DNAH8: variants seen among roughly 807,000 people sequenced by gnomAD.
The protein encoded by DNAH8 is dynein axonemal heavy chain 8, also known as axonemal beta dynein heavy chain 8.
A neutral mutation model predicts 562.1 loss-of-function variants in DNAH8; 382 were observed. That is an observed-to-expected ratio of 0.68 (90% CI 0.63 to 0.74). The LOEUF is 0.74. Ranked by LOEUF, DNAH8 falls within the 30% of genes least tolerant of loss-of-function variation. The probability of loss-of-function intolerance (pLI) is 0.00; values close to 1 mark genes in which losing one functional copy is unlikely to be tolerated. For synonymous variants in DNAH8, 1,881 were observed against 1,919.4 expected (o/e 0.98, Z 0.52); for missense variants, 5,203 against 5,620.4 (o/e 0.93, Z 2.37).
intron 9 of DNAH8, among the ~76,000 whole-genome samples, chr6:38,751,253 G>T (rs1417705122): frequency 6.6e-6 from 1 of 152,194 alleles, no homozygotes; most frequent in Non-Finnish European, 1.5e-5. Context: ...CTGGCAACTT[G>T]CTTCCCTTGG....
chr6:38,872,813 T>C lies in DNAH8; in HGVS notation c.7237+31T>C, dbSNP rs533950216. ...CACAAACCTCCTTTGTGATCATTTT[T>C]TCCCTGCTAGCGTATTAACACAGTA... On this transcript the variant is annotated intron_variant, in intron 50 of 92. Coordinates refer to ENST00000327475, the MANE Select transcript of DNAH8 (RefSeq NM_001206927.2). 272 of 1,612,640 alleles carry C rather than the reference T, an allele frequency of 1.7e-4. 3 individuals are homozygous for C. In the South Asian group the frequency reaches 2.3e-3, roughly 14 times the overall value.
intron 82 of DNAH8, among the ~76,000 whole-genome samples, chr6:38,969,515 C>T (rs561031268): frequency 1.8e-4 from 28 of 152,012 alleles, no homozygotes; most frequent in African/African-American, 5.1e-4. Context: ...AGAGGTGTGC[C>T]GTTTTAGATA....
intron 8 of DNAH8, among the ~76,000 whole-genome samples, chr6:38,745,763 T>C (rs989479031): frequency 1.3e-5 from 2 of 152,202 alleles, no homozygotes; most frequent in African/African-American, 4.8e-5. Context: ...CTTGATACTT[T>C]TGAATAGTAA....
At chr6:38,865,136 T>C (rs1776940990) in intron 45 of DNAH8, among the ~76,000 whole-genome samples, 1 of 152,178 alleles carries the variant, frequency 6.6e-6, no homozygotes, top group Non-Finnish European at 1.5e-5. Context: ...TTTTAAAGCT[T>C]TTATGTGTTT....
chr6:38,825,506 A>G (rs1342789662), intron 28 of DNAH8, among the ~76,000 whole-genome samples: 1 of 152,184 alleles, frequency 6.6e-6, no homozygotes, highest in Non-Finnish European at 1.5e-5. Flanking sequence ...CAGGGACAGT[A>G]TAGGAAGCTG....
At chr6:38,821,407 G>T (rs1738213) in intron 26 of DNAH8, among the ~76,000 whole-genome samples, 27,211 of 152,080 alleles carry the variant, frequency 0.18, 2,755 homozygotes, top group East Asian at 0.28. Context: ...TTGATCTACA[G>T]ATTTTATACA....
intron 24 of DNAH8, among the ~76,000 whole-genome samples, chr6:38,811,312 G>A (rs1041786165): frequency 3.9e-5 from 6 of 152,200 alleles, no homozygotes; most frequent in Admixed American, 2.0e-4. Flanking sequence ...TCCAGATGAG[G>A]TGCCAGGACA....
intron 52 of DNAH8, 106 bp downstream of exon 52, chr6:38,873,482 C>T (rs1338081489): frequency 2.1e-6 from 2 of 969,458 alleles, no homozygotes; most frequent in Admixed American, 3.1e-5. Flanking sequence ...CCATAAAAAT[C>T]ATTTGATGAT....
At chr6:38,936,257 T>C (rs918610809) in intron 77 of DNAH8, 1 of 152,190 alleles carries the variant, frequency 6.6e-6, no homozygotes, top group African/African-American at 2.4e-5. Context: ...ATGTAATCCA[T>C]GTCAGAAGAG....
At chr6:38,990,203 G>A (rs1050018551) in intron 88 of DNAH8, 31 bp downstream of exon 88, 3 of 1,497,658 alleles carry the variant, frequency 2.0e-6, no homozygotes, top group African/African-American at 1.4e-5. Flanking sequence ...AATTTGAAGG[G>A]GTCATTTGTA....
At position 38,785,367 on chromosome 6, in the gene DNAH8, G is replaced by A. The variant is rs72849928; in HGVS notation, c.2396-1398G>A. Among the ~76,000 whole-genome samples, 1,300 of 152,188 alleles carry A rather than the reference G, an allele frequency of 8.5e-3. 17 individuals carry two copies. Among genetic ancestry groups the A allele is most frequent in the Non-Finnish European group, 0.013 (910 of 68,012 alleles). ...ACGATGAAATGCTTGTCTTGTCCTG[G>A]AGCAGACTTCCTGACTGTCATTATT... On this transcript the variant is annotated intron_variant, in intron 17 of 92. Coordinates refer to ENST00000327475, the MANE Select transcript of DNAH8 (RefSeq NM_001206927.2).
intron 82 of DNAH8, among the ~76,000 whole-genome samples, chr6:38,960,898 G>A (rs575802941): frequency 6.6e-6 from 1 of 151,846 alleles, no homozygotes; most frequent in Non-Finnish European, 1.5e-5. Context: ...GTTTACTGCA[G>A]CACTATTCAT....
Position 38,792,609 on chromosome 6 carries a change from A to G in DNAH8, c.2901+935A>G, listed in dbSNP as rs543162533. On this transcript the variant is annotated intron_variant, in intron 21 of 92. Coordinates refer to ENST00000327475, the MANE Select transcript of DNAH8 (RefSeq NM_001206927.2). ...CTTGGCAGTGGCACATAGTCCTTGC[A>G]GGATAAAATGTAACCTCTTCAGCAT... Among the ~76,000 whole-genome samples, 6 of 152,328 alleles carry G rather than the reference A, an allele frequency of 3.9e-5. No homozygotes were observed. The South Asian group carries it at 1.2e-3, about 32-fold the overall frequency.
chr6:38,870,733 T>C lies in DNAH8; in HGVS notation c.6990+171T>C, dbSNP rs557247711. Among the ~76,000 whole-genome samples, 6 of 152,312 alleles carry C rather than the reference T, an allele frequency of 3.9e-5. No individual in the cohort carries two copies. In the South Asian group the frequency reaches 1.2e-3, roughly 32 times the overall value. On this transcript the variant is annotated intron_variant, in intron 49 of 92. Coordinates refer to ENST00000327475, the MANE Select transcript of DNAH8 (RefSeq NM_001206927.2). ...GAAGGATGTGGTGGTCCTAGGAAGATAGTATGGATTTACCCTGCCTCACAG... is the reference window on the plus strand; with the variant it reads ...GAAGGATGTGGTGGTCCTAGGAAGACAGTATGGATTTACCCTGCCTCACAG...
rs1763915003 is a variant in DNAH8 at position 38,734,372 on chromosome 6, A to G, written c.611-102A>G. On this transcript the variant is annotated intron_variant, in intron 4 of 92. Transcript: ENST00000327475. ...TCTATGACCGTATTGAAAACTTCTT[A>G]CAATAAAGTAAAACAGGAAACAATA... is the stretch of plus-strand genomic sequence containing the variant. 3.9e-6 allele frequency: 5 copies of G among 1,277,568 alleles called. No homozygotes were observed. In the South Asian group the frequency reaches 4.5e-5, roughly 12 times the overall value. 79.1% of individuals were successfully genotyped at this position (1,277,568 alleles called of 1,614,324 possible).
At chr6:38,745,604 A>G (rs888188148) in intron 8 of DNAH8, among the ~76,000 whole-genome samples, 5 of 152,220 alleles carry the variant, frequency 3.3e-5, no homozygotes, top group African/African-American at 1.2e-4. Flanking sequence ...TAATGATGCT[A>G]CACACAATTT....
chr6:38,808,848 C>A (rs1292317658), intron 24 of DNAH8, among the ~76,000 whole-genome samples: 2 of 152,100 alleles, frequency 1.3e-5, no homozygotes, highest in African/African-American at 4.8e-5. Flanking sequence ...GAGCAGAAAA[C>A]CAAACACCGC....
intron 3 of DNAH8, 77 bp from the exon 4 acceptor site, chr6:38,729,825 C>T: frequency 1.3e-6 from 1 of 760,644 alleles, no homozygotes; most frequent in East Asian, 2.7e-5. Context: ...ACTCTTTGAG[C>T]TTCATCTTCT....
intron 88 of DNAH8, among the ~76,000 whole-genome samples, chr6:39,008,541 C>A (rs1256922309): frequency 6.6e-6 from 1 of 151,988 alleles, no homozygotes; most frequent in Admixed American, 6.6e-5. Context: ...GGTGAAGAAG[C>A]GATTTGGATT....
Sources: allele counts gnomAD v4.1 joint callset (sites outside exome capture counted in the v4.1 genomes callset), GRCh38; gene constraint gnomAD v4.1.1; transcripts MANE v1.5; gene names NCBI Gene and HGNC (gene_info 2026-07-23, HGNC 2026-07-21).